Variants in TTN observed in about 807,000 individuals in gnomAD.
The protein encoded by TTN is connectin.
A neutral mutation model predicts 3,223.0 loss-of-function variants in TTN; 1,525 were observed. The ratio of observed to expected loss-of-function variants is 0.47; its 90% CI spans 0.45 to 0.49. The LOEUF (loss-of-function observed/expected upper bound fraction) is 0.49, where lower values mean the gene tolerates loss of function less well. Ranked by LOEUF, TTN falls within the 20% of genes least tolerant of loss-of-function variation. The pLI, the probability that TTN is intolerant of heterozygous loss-of-function variation, is 0.00. For missense variants in TTN, 40,786 were observed against 43,424.0 expected (o/e 0.94, Z 5.40); for synonymous variants, 14,094 against 15,161.0 (o/e 0.93, Z 5.17).
At chr2:178,554,781 T>C (rs764238483) in intron 331 of TTN, 29 bp from the exon 332 acceptor site, 14 of 1,612,348 alleles carry the variant, frequency 8.7e-6, no homozygotes, top group Non-Finnish European at 1.2e-5. Context: ...AACACGATGT[T>C]AGTACTTCTT....
rs1288081911 is a variant in TTN at position 178,574,110 on chromosome 2, T to C, written c.72022A>G (p.Ile24008Val). 1.2e-6 allele frequency: 2 copies of C among 1,613,624 alleles called. No homozygotes were observed. Among genetic ancestry groups the C allele is most frequent in the East Asian group, 2.2e-5 (1 of 44,802 alleles). ...TCAGATGGCTCAGATGGTGGACTGA[T>C]GGCACCTGCAGCATTTTTGGCGATC... ...RVIAKNAAGA[I>V]SPPSEPSDAI... Residue 24008 changes from isoleucine (I) to valine (V), a missense_variant, in exon 326 of 363, where the codon ATC (isoleucine) becomes GTC (valine). Coordinates refer to ENST00000589042, the MANE Select transcript of TTN (RefSeq NM_001267550.2).
intron 48 of TTN, 84 bp downstream of exon 48, chr2:178,739,057 A>C: frequency 2.1e-6 from 3 of 1,398,598 alleles, no homozygotes; most frequent in Middle Eastern, 1.9e-4. Context: ...AGTGGCAGAT[A>C]AGTGAAAATT....
intron 18 of TTN, 86 bp downstream of exon 18, chr2:178,782,720 A>C: frequency 6.2e-7 from 1 of 1,608,262 alleles, no homozygotes; most frequent in Non-Finnish European, 8.5e-7. Flanking sequence ...CATCATTTCA[A>C]GGTGCACAGA....
intron 149 of TTN, 101 bp downstream of exon 149, chr2:178,675,570 C>T: frequency 1.1e-6 from 1 of 927,898 alleles, no homozygotes; most frequent in Non-Finnish European, 1.4e-6. Flanking sequence ...ATGTGAATGA[C>T]AGACCATACA....
Position 178,694,899 on chromosome 2 carries a change from CT to C in TTN, c.31277del (p.Lys10426ArgfsTer4). On this transcript the variant is annotated frameshift_variant, in exon 116 of 363. Transcript: ENST00000589042. LOFTEE classifies it high-confidence loss of function. ...KKAPPPPKVI[K>X]KPVIEKIEKT... ...TTTCAATTTTTTCAATTACTGGCTTCTTTATAACTGCAAGCATTTTAGAGAA... is the reference window on the plus strand; with the variant it reads ...TTTCAATTTTTTCAATTACTGGCTTCTTATAACTGCAAGCATTTTAGAGAA... 1 of 1,549,834 alleles carries C rather than the reference CT, an allele frequency of 6.5e-7. No individual in the cohort carries two copies. Among genetic ancestry groups the C allele is most frequent in the Middle Eastern group, 1.7e-4 (1 of 5,952 alleles).
intron 218 of TTN, among the ~76,000 whole-genome samples, chr2:178,642,887 T>C (rs995546408): frequency 2.6e-5 from 4 of 152,006 alleles, no homozygotes; most frequent in African/African-American, 7.2e-5. Context: ...TTTAAAATTA[T>C]AGAATTATAA....
At position 178,615,622 on chromosome 2, in the gene TTN, T is replaced by C; in HGVS notation, c.48460+19A>G. ...ACAGGCAACAAGATTAGGTAAGAAA[T>C]CATCAAGAATGTACTCACTTGCAGG... On this transcript the variant is annotated intron_variant, in intron 258 of 362. Transcript: ENST00000589042. The C allele has an allele frequency of 6.2e-7, 1 of 1,611,480 alleles. No individual in the cohort carries two copies. The highest frequency in any genetic ancestry group is 8.5e-7 in the Non-Finnish European group (1 of 1,178,702).
chr2:178,641,545 G>T, intron 219 of TTN: 1 of 310,292 alleles, frequency 3.2e-6, no homozygotes, highest in South Asian at 6.4e-5. Flanking sequence ...TATCTAGATA[G>T]AGGGTCTATT....
At position 178,604,279 on chromosome 2, in the gene TTN, C is replaced by T; in HGVS notation, c.54408G>A (p.Gln18136=). The T allele has an allele frequency of 1.3e-6, 2 of 1,517,620 alleles. No individual in the cohort carries two copies. The highest frequency in any genetic ancestry group is 1.8e-6 in the Non-Finnish European group (2 of 1,131,602). The allele number at this position is 1,517,620 out of a possible 1,614,324, so 94.0% of individuals were successfully genotyped here. The change falls in exon 282 of 363, where the codon CAG becomes CAA. Residue 18136 remains glutamine (Q), a synonymous_variant. Transcript: ENST00000589042. ...TCACTGCCCTGACTCGGAACTCATA[C>T]TGACCATTGGGGATAAGTTTCCAGA... ...YGIWKLIPNG[Q]YEFRVRAVNK...
intron 46 of TTN, among the ~76,000 whole-genome samples, chr2:178,755,142 A>T (rs2086574094): frequency 6.6e-6 from 1 of 152,184 alleles, no homozygotes. Flanking sequence ...CACACAACAC[A>T]GGCTTATGGC....
chr2:178,607,528 T>C lies in TTN; in HGVS notation c.53160A>G (p.Ile17720Met). The change falls in exon 277 of 363, where the codon ATA becomes ATG. Residue 17720 changes from isoleucine (I) to methionine (M), a missense_variant. Physicochemically the swap from Ile to Met is conservative, Grantham distance 10 (BLOSUM62 1). Coordinates refer to ENST00000589042, the MANE Select transcript of TTN (RefSeq NM_001267550.2). ...GTTCAGATTTGGTTCCAACGTTGTC[T>C]ATTACAACACGGTCTTTATCCAGCT... is the stretch of plus-strand genomic sequence containing the variant. ...EGELDKDRVV[I>M]DNVGTKSELI... is the part of the protein sequence containing the mutation. The C allele has an allele frequency of 6.2e-7, 1 of 1,613,288 alleles. No homozygotes were observed. The highest frequency in any genetic ancestry group is 8.5e-7 in the Non-Finnish European group (1 of 1,179,418).
In TTN at chr2:178,570,054, C is replaced by T; in HGVS notation, c.76078G>A (p.Gly25360Arg). ...CCAGTTACTCTCAGGCGCAACTCTC[C>T]AATCAGACGCTTATGGCATCTTGTC... Reference protein sequence around the residue: ...RWTRCHKRLIGELRLRVTGLI... With the variant: ...RWTRCHKRLIRELRLRVTGLI... Residue 25360 changes from glycine to arginine, a missense_variant, in exon 326 of 363, where the codon GGA (glycine) becomes AGA (arginine). By Grantham distance (125) the Gly-to-Arg change is moderately radical. Transcript: ENST00000589042. 6.2e-7 allele frequency: 1 copy of T among 1,613,378 alleles called. No individual in the cohort carries two copies. Among genetic ancestry groups the T allele is most frequent in the Non-Finnish European group, 8.5e-7 (1 of 1,179,578 alleles).
Position 178,782,530 on chromosome 2 carries a change from A to G in TTN, c.3164+9T>C. On this transcript the variant is annotated intron_variant, in intron 19 of 362. Coordinates refer to ENST00000589042, the MANE Select transcript of TTN (RefSeq NM_001267550.2). ...ACTAGAACAGCTACTAATTAGCAAA[A>G]TATTTTACCGTTTCTCTTCTGTAGT... The G allele has an allele frequency of 6.2e-6, 10 of 1,613,922 alleles. No homozygotes were observed. Among genetic ancestry groups the G allele is most frequent in the Non-Finnish European group, 8.5e-6 (10 of 1,179,932 alleles).
rs185828575 is a variant in TTN, at chr2:178,676,656, T to C, written c.34378+545A>G. Among the ~76,000 whole-genome samples, 34 of 144,396 alleles carry C rather than the reference T, an allele frequency of 2.4e-4. No homozygotes were observed. The Admixed American group carries it at 2.4e-3, about 10-fold the overall frequency. The allele number at this position is 144,396 out of a possible 152,430, so 94.7% of individuals were successfully genotyped here. Reference sequence around the variant, plus strand: ...ACAGGAAAATAACTTCAGGCTCAGGTTGGTTAAAGGACTCGCTGAGAGTAA... The same window carrying C: ...ACAGGAAAATAACTTCAGGCTCAGGCTGGTTAAAGGACTCGCTGAGAGTAA... On this transcript the variant is annotated intron_variant, in intron 147 of 362. Transcript: ENST00000589042.
At position 178,641,273 on chromosome 2, in the gene TTN, G is replaced by C. The variant is rs781393857; in HGVS notation, c.40601C>G (p.Pro13534Arg). The C allele has an allele frequency of 1.3e-6, 2 of 1,509,338 alleles. No homozygotes were observed. The highest frequency in any genetic ancestry group is 2.9e-5 in the African/African-American group (2 of 69,604). 93.5% of individuals were successfully genotyped at this position (1,509,338 alleles called of 1,614,324 possible). A position where few individuals can be genotyped will look rare whatever the true frequency, so the allele number is the denominator to read the frequency against. Residue 13534 changes from proline (P) to arginine (R), a missense_variant, in exon 220 of 363, where the codon CCT becomes CGT. Physicochemically the swap from Pro to Arg is moderately radical, Grantham distance 103. Coordinates refer to ENST00000589042, the MANE Select transcript of TTN (RefSeq NM_001267550.2). ...RPEEEEPKVE[P>R]KKLEKVKKPA... ...TTTTTTAACTTTTTCTAGTTTTTTA[G>C]GTTCTACTTTAGGTTCTTCTTCTTC...
chr2:178,603,853 C>T, intron 282 of TTN, 23 bp downstream of exon 282: 12 of 1,506,594 alleles, frequency 8.0e-6, no homozygotes, highest in South Asian at 4.2e-5. Flanking sequence ...GAAATTAGTC[C>T]CCAGAAACGG....
rs1011366772 is a variant in TTN at position 178,651,188 on chromosome 2, G to A, written c.39625+55C>T. On this transcript the variant is annotated intron_variant, in intron 208 of 362. Transcript: ENST00000589042. ...GCAAACAAAAGGTTTGATAATAGGT[G>A]ACTTATTAGACAAGGGTGAGTGCTT... The A allele has an allele frequency of 2.1e-6, 3 of 1,419,316 alleles. No homozygotes were observed. In the East Asian group the frequency reaches 6.9e-5, roughly 33 times the overall value. 87.9% of individuals were successfully genotyped at this position (1,419,316 alleles called of 1,614,324 possible).
At position 178,579,604 on chromosome 2, in the gene TTN, T is replaced by G; in HGVS notation, c.67593A>C (p.Glu22531Asp). ...FRVSAENENGEGTPSEITVVA... is the reference protein window; with the variant it reads ...FRVSAENENGDGTPSEITVVA... ...CAACAGTGATTTCGCTTGGGGTTCC[T>G]TCTCCATTTTCATTCTCAGCACTCA... Residue 22531 changes from glutamate (E) to aspartate (D), a missense_variant, in exon 319 of 363, where the codon GAA becomes GAC. Physicochemically the swap from Glu to Asp is conservative, Grantham distance 45. Coordinates refer to ENST00000589042, the MANE Select transcript of TTN (RefSeq NM_001267550.2). The G allele has an allele frequency of 6.2e-7, 1 of 1,613,374 alleles. No individual in the cohort carries two copies. The highest frequency in any genetic ancestry group is 8.5e-7 in the Non-Finnish European group (1 of 1,179,524).
rs1452086800 is a variant in TTN, at chr2:178,597,937, G to A, written c.57233C>T (p.Thr19078Ile). The part of the protein sequence containing the change: ...IAGIGEPGEV[T>I]DVIEMKDRLV... ...TCTGTCCTTCATTTCAATGACATCT[G>A]TGACCTCTCCAGGTTCTCCAATGCC... The change falls in exon 293 of 363, where the codon ACA (threonine) becomes ATA (isoleucine). Residue 19078 changes from threonine (T) to isoleucine (I), a missense_variant. By Grantham distance (89) the Thr-to-Ile change is moderately conservative. Transcript: ENST00000589042. 6.2e-7 allele frequency: 1 copy of A among 1,613,308 alleles called. No individual in the cohort carries two copies. Among genetic ancestry groups the A allele is most frequent in the South Asian group, 1.1e-5 (1 of 91,042 alleles).
Sources: gnomAD v4.1 joint callset for allele counts (sites outside exome capture counted in the v4.1 genomes callset) on GRCh38, gnomAD v4.1.1 for gene constraint, MANE v1.5 for transcripts, NCBI Gene and HGNC (gene_info 2026-07-23, HGNC 2026-07-21) for gene names.